Variants in PRSS21 observed in about 807,000 individuals in gnomAD.
PRSS21 encodes serine protease 21, also known as testisin.
PRSS21 carries 40 observed loss-of-function variants against 31.1 expected under a neutral mutation model. The observed-to-expected ratio is 1.29, with a 90% CI of 1.00 to 1.68. The LOEUF is 1.68. Among genes scored for constraint, PRSS21 ranks in the 40% most tolerant of loss-of-function variants. The pLI, the probability that PRSS21 is intolerant of heterozygous loss-of-function variation, is 0.00. For missense variants in PRSS21, 467 were observed against 412.6 expected, an observed-to-expected ratio of 1.13 and a Z score of -1.14; for synonymous variants, 186 against 167.7, an observed-to-expected ratio of 1.11 and a Z score of -0.84.
chr16:2,821,430 G>C lies in PRSS21; in HGVS notation c.770G>C (p.Ser257Thr). 6.2e-7 allele frequency: 1 copy of C among 1,614,252 alleles called. No homozygotes were observed. The highest frequency in any genetic ancestry group is 1.6e-4 in the Middle Eastern group (1 of 6,062). Residue 257 changes from serine to threonine, a missense_variant, in exon 6 of 6, where the codon AGC becomes ACC. Physicochemically the swap from Ser to Thr is moderately conservative, Grantham distance 58 (BLOSUM62 1). Coordinates refer to ENST00000005995, the MANE Select transcript of PRSS21 (RefSeq NM_006799.4). The part of the protein sequence containing the change: ...NGLWYQIGVV[S>T]WGVGCGRPNR... ...CTGTGGTATCAGATTGGAGTCGTGA[G>C]CTGGGGAGTGGGCTGTGGTCGGCCC... is the stretch of plus-strand genomic sequence containing the variant.
chr16:2,817,371 G>T lies in PRSS21; in HGVS notation c.64+39G>T, dbSNP rs200860469. On this transcript the variant is annotated intron_variant, in intron 1 of 5. Transcript: ENST00000005995. The surrounding 1 kb of genome is among the most constrained non-coding windows in gnomAD (Gnocchi z 4.2). ...GCTGCTGGCGGGATGGGGAGGCGGG[G>T]GAGCGGTGGGGAGGACGGGAGGTGG... The T allele has an allele frequency of 1.9e-6, 3 of 1,580,932 alleles. No homozygotes were observed. Among genetic ancestry groups the T allele is most frequent in the East Asian group, 2.3e-5 (1 of 43,782 alleles).
chr16:2,818,921 C>G lies in PRSS21; in HGVS notation c.502C>G (p.Arg168Gly). The change falls in exon 4 of 6, where the codon CGG (arginine) becomes GGG (glycine). Residue 168 changes from arginine (R) to glycine (G), a missense_variant. Transcript: ENST00000005995. The stretch of plus-strand genomic sequence containing the variant: ...GGCCTCCACATTTGAGTTTGAGAAC[C>G]GGACAGACTGCTGGGTGACTGGCTG... ...LQASTFEFEN[R>G]TDCWVTGWGY... is the part of the protein sequence containing the mutation. 6.2e-7 allele frequency: 1 copy of G among 1,614,200 alleles called. No homozygotes were observed. Among genetic ancestry groups the G allele is most frequent in the Non-Finnish European group, 8.5e-7 (1 of 1,180,022 alleles).
chr16:2,817,368 G>T lies in PRSS21; in HGVS notation c.64+36G>T, dbSNP rs745639661. Reference sequence around the variant, plus strand: ...GGCGCTGCTGGCGGGATGGGGAGGCGGGGGAGCGGTGGGGAGGACGGGAGG... The same window carrying T: ...GGCGCTGCTGGCGGGATGGGGAGGCTGGGGAGCGGTGGGGAGGACGGGAGG... On this transcript the variant is annotated intron_variant, in intron 1 of 5. Coordinates refer to ENST00000005995, the MANE Select transcript of PRSS21 (RefSeq NM_006799.4). This position sits in a 1 kb window ranked among gnomAD's most constrained non-coding sequence, Gnocchi z 4.2. 1 of 1,577,954 alleles carries T rather than the reference G, an allele frequency of 6.3e-7. No individual in the cohort carries two copies. The highest frequency in any genetic ancestry group is 2.3e-5 in the East Asian group (1 of 43,572).
At position 2,817,484 on chromosome 16, in the gene PRSS21, G is replaced by T. The variant is rs779705343; in HGVS notation, c.91+28G>T. 4 of 1,537,450 alleles carry T rather than the reference G, an allele frequency of 2.6e-6. No individual in the cohort carries two copies. The highest frequency in any genetic ancestry group is 2.6e-6 in the Non-Finnish European group (3 of 1,147,968). On this transcript the variant is annotated intron_variant, in intron 2 of 5. Transcript: ENST00000005995. The surrounding 1 kb of genome is among the most constrained non-coding windows in gnomAD (Gnocchi z 4.2). ...AGGGCGCCCAGGACGCGCGATTCCT[G>T]CCAGGGCCGTTGGGCCGAGGTGGAC... is the stretch of plus-strand genomic sequence containing the variant.
Position 2,818,752 on chromosome 16 carries a change from C to A in PRSS21, c.333C>A (p.Ser111Arg), listed in dbSNP as rs753967368. Residue 111 changes from serine (S) to arginine (R), a missense_variant, in exon 4 of 6, where the codon AGC becomes AGA. Ser to Arg is a moderately radical substitution (Grantham distance 110). Transcript: ENST00000005995. ...GQLTSMPSFW[S>R]LQAYYTRYFV... ...TGACTTCCATGCCATCCTTCTGGAG[C>A]CTGCAGGCCTACTACACCCGTTACT... 6.2e-7 allele frequency: 1 copy of A among 1,613,826 alleles called. No homozygotes were observed. The highest frequency in any genetic ancestry group is 2.2e-5 in the East Asian group (1 of 44,884).
rs929335146 is a variant in PRSS21 at position 2,817,732 on chromosome 16, G to C, written c.92-69G>C. 5 of 1,516,836 alleles carry C rather than the reference G, an allele frequency of 3.3e-6. No homozygotes were observed. In the African/African-American group the frequency reaches 6.9e-5, roughly 21 times the overall value. The allele number at this position is 1,516,836 out of a possible 1,614,324, so 94.0% of individuals were successfully genotyped here. ...CGTGCTTTCCCGGACGGGGTTGAAG[G>C]GGAGAAAGGGAGAGGTCGGGCTTGG... On this transcript the variant is annotated intron_variant, in intron 2 of 5. Transcript: ENST00000005995. This position sits in a 1 kb window ranked among gnomAD's most constrained non-coding sequence, Gnocchi z 4.2.
rs1175842629 is a variant in PRSS21 at position 2,821,572 on chromosome 16, T to G, written c.912T>G (p.Leu304=). 2 of 1,613,740 alleles carry G rather than the reference T, an allele frequency of 1.2e-6. No individual in the cohort carries two copies. Among genetic ancestry groups the G allele is most frequent in the African/African-American group, 2.7e-5 (2 of 74,938 alleles). ...DPSWPLLFFP[L]LWALPLLGPV ...CCTGGCCGCTACTCTTTTTCCCTCTTCTCTGGGCTCTCCCACTCCTGGGGC... is the reference window on the plus strand; with the variant it reads ...CCTGGCCGCTACTCTTTTTCCCTCTGCTCTGGGCTCTCCCACTCCTGGGGC... The change falls in exon 6 of 6, where the codon CTT becomes CTG. Residue 304 remains leucine (L), a synonymous_variant. Transcript: ENST00000005995.
chr16:2,818,913 T>G lies in PRSS21; in HGVS notation c.494T>G (p.Phe165Cys). 2 of 1,614,210 alleles carry G rather than the reference T, an allele frequency of 1.2e-6. No homozygotes were observed. Among genetic ancestry groups the G allele is most frequent in the Middle Eastern group, 3.3e-4 (2 of 6,062 alleles). ...PICLQASTFEFENRTDCWVTG... is the reference protein window; with the variant it reads ...PICLQASTFECENRTDCWVTG... ...TGTCTCCAGGCCTCCACATTTGAGT[T>G]TGAGAACCGGACAGACTGCTGGGTG... The change falls in exon 4 of 6, where the codon TTT becomes TGT. Residue 165 changes from phenylalanine to cysteine, a missense_variant. Transcript: ENST00000005995.
intron 3 of PRSS21, among the ~76,000 whole-genome samples, chr16:2,818,380 G>C (rs879327235): frequency 6.6e-6 from 1 of 152,176 alleles, no homozygotes; most frequent in Non-Finnish European, 1.5e-5. Context: ...CCACATTGGC[G>C]TGGTGCATCT....
At chr16:2,819,338 C>T (rs1249568124) in intron 4 of PRSS21, among the ~76,000 whole-genome samples, 1 of 152,168 alleles carries the variant, frequency 6.6e-6, no homozygotes, top group African/African-American at 2.4e-5. Context: ...TCCATGCCTC[C>T]CACACCCACC....
rs2069122023 is a variant in PRSS21, at chr16:2,818,767, C to T, written c.348C>T (p.Tyr116=). Residue 116 remains tyrosine (Y), a synonymous_variant, in exon 4 of 6, where the codon TAC becomes TAT. Transcript: ENST00000005995. ...CCTTCTGGAGCCTGCAGGCCTACTA[C>T]ACCCGTTACTTCGTATCGAATATCT... ...MPSFWSLQAY[Y]TRYFVSNIYL... is the part of the protein sequence containing the mutation. The T allele has an allele frequency of 6.2e-7, 1 of 1,613,588 alleles. No homozygotes were observed. Among genetic ancestry groups the T allele is most frequent in the Non-Finnish European group, 8.5e-7 (1 of 1,179,446 alleles).
chr16:2,817,491 C>G lies in PRSS21; in HGVS notation c.91+35C>G. ...CCAGGACGCGCGATTCCTGCCAGGG[C>G]CGTTGGGCCGAGGTGGACGGGGGGC... On this transcript the variant is annotated intron_variant, in intron 2 of 5. Transcript: ENST00000005995. The surrounding 1 kb of genome is among the most constrained non-coding windows in gnomAD (Gnocchi z 4.2). 6.6e-7 allele frequency: 1 copy of G among 1,507,924 alleles called. No individual in the cohort carries two copies. Among genetic ancestry groups the G allele is most frequent in the African/African-American group, 1.6e-5 (1 of 62,092 alleles). 93.4% of individuals were successfully genotyped at this position (1,507,924 alleles called of 1,614,324 possible).
In PRSS21 at chr16:2,819,111, G is replaced by A; in HGVS notation, c.550+142G>A. ...AGTCTCTCCTCACCTGCCAGGGCAG[G>A]GACCAAACACCCAGTTCTCTCCCTT... is the stretch of plus-strand genomic sequence containing the variant. On this transcript the variant is annotated intron_variant, in intron 4 of 5. Transcript: ENST00000005995. 3 of 961,018 alleles carry A rather than the reference G, an allele frequency of 3.1e-6. No individual in the cohort carries two copies. The African/African-American group carries it at 4.9e-5, about 16-fold the overall frequency. The allele number at this position is 961,018 out of a possible 1,614,324, so 59.5% of individuals were successfully genotyped here.
In PRSS21 at chr16:2,817,310, T is replaced by G; in HGVS notation, c.42T>G (p.Ala14=). ...RGALLLALLL[A]RAGLRKPESQ... is the part of the protein sequence containing the mutation. ...CGCTGCTGCTGGCGCTGCTGCTGGC[T>G]CGGGCTGGACTCAGGAAGCCGGGTG... is the stretch of plus-strand genomic sequence containing the variant. Residue 14 remains alanine (A), a synonymous_variant, in exon 1 of 6, where the codon GCT becomes GCG. Coordinates refer to ENST00000005995, the MANE Select transcript of PRSS21 (RefSeq NM_006799.4). The surrounding 1 kb of genome is among the most constrained non-coding windows in gnomAD (Gnocchi z 4.2). 3 of 1,543,092 alleles carry G rather than the reference T, an allele frequency of 1.9e-6. No individual in the cohort carries two copies.
chr16:2,818,594 C>T, intron 3 of PRSS21, 83 bp from the exon 4 acceptor site: 1 of 1,382,730 alleles, frequency 7.2e-7, no homozygotes, highest in Non-Finnish European at 1.0e-6. Context: ...ACCACAGTTT[C>T]CCCTCCTGCA....
intron 4 of PRSS21, 106 bp downstream of exon 4, chr16:2,819,075 C>A (rs1339721588): frequency 5.4e-6 from 7 of 1,286,550 alleles, no homozygotes; most frequent in Non-Finnish European, 5.4e-6. Context: ...GGCTATGCCC[C>A]TCTTGCTTGC....
chr16:2,820,188 T>C (rs976850423), intron 4 of PRSS21, among the ~76,000 whole-genome samples: 1 of 152,230 alleles, frequency 6.6e-6, no homozygotes, highest in Non-Finnish European at 1.5e-5. Flanking sequence ...CATCTTACAG[T>C]GCCTCAGTTT....
intron 4 of PRSS21, 72 bp downstream of exon 4, chr16:2,819,041 C>T: frequency 5.2e-6 from 8 of 1,541,440 alleles, no homozygotes; most frequent in Non-Finnish European, 7.1e-6. Context: ...GGCACAATAG[C>T]CCCCTGCTTG....
In PRSS21 at chr16:2,817,328, G is replaced by GC; in HGVS notation, c.62dup (p.Glu22GlyfsTer64). Reference sequence around the variant, plus strand: ...TGCTGGCTCGGGCTGGACTCAGGAAGCCGGGTGAGCTCGGGGCGCTGCTGG... The same window carrying GC: ...TGCTGGCTCGGGCTGGACTCAGGAAGCCCGGGTGAGCTCGGGGCGCTGCTGG... On this transcript the variant is annotated frameshift_variant, in exon 1 of 6. Coordinates refer to ENST00000005995, the MANE Select transcript of PRSS21 (RefSeq NM_006799.4). LOFTEE classifies it high-confidence loss of function. The surrounding 1 kb of genome is among the most constrained non-coding windows in gnomAD (Gnocchi z 4.2). 1 of 1,551,290 alleles carries GC rather than the reference G, an allele frequency of 6.4e-7. No homozygotes were observed. The highest frequency in any genetic ancestry group is 8.7e-7 in the Non-Finnish European group (1 of 1,152,412).
Sources: allele counts gnomAD v4.1 joint callset (sites outside exome capture counted in the v4.1 genomes callset), GRCh38; gene constraint gnomAD v4.1.1; non-coding constraint Gnocchi (gnomAD v3.1); transcripts MANE v1.5; gene names NCBI Gene and HGNC (gene_info 2026-07-23, HGNC 2026-07-21).